Variants in ZNF444 observed in about 807,000 individuals in gnomAD.
ZNF444 encodes the protein endothelial zinc finger protein 2.
In ZNF444, 8 loss-of-function variants were observed where a neutral mutation model predicts 14.4. That is an observed-to-expected ratio of 0.56 (90% CI 0.33 to 1.00). The LOEUF (loss-of-function observed/expected upper bound fraction) is 1.00. Ranked by LOEUF, ZNF444 falls within the 50% of genes least tolerant of loss-of-function variation. The pLI is 0.03. For missense variants in ZNF444, 510 were observed against 504.8 expected (o/e 1.01, Z -0.10); for synonymous variants, 258 against 235.9 (o/e 1.09, Z -0.86).
chr19:56,159,836 C>T lies in ZNF444; in HGVS notation c.619C>T (p.His207Tyr), dbSNP rs780787466. The T allele has an allele frequency of 6.4e-7, 1 of 1,565,074 alleles. No individual in the cohort carries two copies. The highest frequency in any genetic ancestry group is 8.6e-7 in the Non-Finnish European group (1 of 1,161,730). Residue 207 changes from histidine to tyrosine, a missense_variant, in exon 5 of 5, where the codon CAC becomes TAC. Coordinates refer to ENST00000337080, the MANE Select transcript of ZNF444 (RefSeq NM_018337.4). ...HRQSHSGEKP[H>Y]ACPECGKAFR... is the part of the protein sequence containing the mutation. ...GCAGAGCCACTCGGGCGAGAAGCCG[C>T]ACGCCTGCCCTGAGTGCGGGAAGGC...
At chr19:56,135,493 A>G (rs1367791098) in intron 1 of ZNF444, among the ~76,000 whole-genome samples, 1 of 152,078 alleles carries the variant, frequency 6.6e-6, no homozygotes, top group Non-Finnish European at 1.5e-5. Flanking sequence ...TGAAGGATCC[A>G]GGTTCCTCCG....
chr19:56,136,552 T>C (rs1215685887), upstream of ZNF444, among the ~76,000 whole-genome samples: 1 of 152,156 alleles, frequency 6.6e-6, no homozygotes. Context: ...ATAGCAAGTG[T>C]TTATTGAACT....
chr19:56,147,124 G>T lies in ZNF444; in HGVS notation c.213G>T (p.Ala71=). ...TGGTGCTGGAACAGTTCCTGAGCGCGCTGCCCGCCGACACGCAGGCCTGGG... is the reference window on the plus strand; with the variant it reads ...TGGTGCTGGAACAGTTCCTGAGCGCTCTGCCCGCCGACACGCAGGCCTGGG... The part of the protein sequence containing the change: ...ELLVLEQFLS[A]LPADTQAWVC... The change falls in exon 3 of 5, where the codon GCG becomes GCT. Residue 71 remains alanine, a synonymous_variant. Coordinates refer to ENST00000337080, the MANE Select transcript of ZNF444 (RefSeq NM_018337.4). This position sits in a 1 kb window ranked among gnomAD's most constrained non-coding sequence, Gnocchi z 5.9. 1.0e-5 allele frequency: 16 copies of T among 1,564,246 alleles called. No homozygotes were observed. Among genetic ancestry groups the T allele is most frequent in the Non-Finnish European group, 1.3e-5 (15 of 1,159,972 alleles).
At chr19:56,139,722 A>AAG (rs995878884), upstream of ZNF444, among the ~76,000 whole-genome samples, 45 of 142,376 alleles carry the variant, frequency 3.2e-4, no homozygotes, top group African/African-American at 1.1e-3. Context: ...AACCAAAAAA[A>AAG]AAAAAAGAAA....
chr19:56,159,028 CCATCCAT>C (rs1402518924), intron 4 of ZNF444, among the ~76,000 whole-genome samples: 1 of 149,774 alleles, frequency 6.7e-6, no homozygotes, highest in East Asian at 1.9e-4. Flanking sequence ...ATGCACCCAC[CCATCCAT>C]CATCTGTACA....
At chr19:56,150,305 A>T (rs2031495622) in intron 3 of ZNF444, 2 of 237,826 alleles carry the variant, frequency 8.4e-6, no homozygotes, top group South Asian at 1.1e-4. Flanking sequence ...AATAAAAAAA[A>T]ATCTTCCATT....
chr19:56,158,698 A>G, intron 4 of ZNF444, 96 bp downstream of exon 4: 10 of 1,140,274 alleles, frequency 8.8e-6, no homozygotes, highest in South Asian at 1.7e-5. Flanking sequence ...GGACAAGGAC[A>G]GACTTGGACC....
chr19:56,148,460 C>T (rs964936353), intron 3 of ZNF444, among the ~76,000 whole-genome samples: 5 of 152,056 alleles, frequency 3.3e-5, no homozygotes, highest in Admixed American at 1.3e-4. Flanking sequence ...TGAGGCAAAG[C>T]GAGCAAAGCC....
In ZNF444 at chr19:56,147,349, A is replaced by C. The variant is rs866195252; in HGVS notation, c.297+141A>C. ...GGGAGGCTGCGGTACAGGCTGCGGTACAGCGTGGAGGGACAGTCCACGTGC... is the reference window on the plus strand; with the variant it reads ...GGGAGGCTGCGGTACAGGCTGCGGTCCAGCGTGGAGGGACAGTCCACGTGC... On this transcript the variant is annotated intron_variant, in intron 3 of 4. Transcript: ENST00000337080. This position sits in a 1 kb window ranked among gnomAD's most constrained non-coding sequence, Gnocchi z 5.9. The C allele has an allele frequency of 9.8e-7, 1 of 1,025,332 alleles. No individual in the cohort carries two copies. 63.5% of individuals were successfully genotyped at this position (1,025,332 alleles called of 1,614,324 possible).
upstream of ZNF444, among the ~76,000 whole-genome samples, chr19:56,140,543 C>T (rs1344891676): frequency 6.6e-6 from 1 of 152,136 alleles, no homozygotes; most frequent in African/African-American, 2.4e-5. Context: ...CAGGTTCACA[C>T]ACAGGAAGAG....
chr19:56,145,676 G>A lies in ZNF444; in HGVS notation c.-196-571G>A, dbSNP rs1256241938. Among the ~76,000 whole-genome samples the A allele has an allele frequency of 6.6e-6, 1 of 152,240 alleles. No homozygotes were observed. The highest frequency in any genetic ancestry group is 1.5e-5 in the Non-Finnish European group (1 of 68,042). ...GGGAGGACACAAAAGGAGGCCGTCG[G>A]CAGCCTGGAAGAGGTGCTCACCAGA... On this transcript the variant is annotated intron_variant, in intron 1 of 4. Coordinates refer to ENST00000337080, the MANE Select transcript of ZNF444 (RefSeq NM_018337.4). The surrounding 1 kb of genome is among the most constrained non-coding windows in gnomAD (Gnocchi z 4.3).
chr19:56,158,089 G>A (rs923842056), intron 3 of ZNF444: 1 of 161,804 alleles, frequency 6.2e-6, no homozygotes, highest in African/African-American at 2.4e-5. Context: ...GCTGATCTGA[G>A]ACAGGTGTAT....
intron 4 of ZNF444, 94 bp from the exon 5 acceptor site, chr19:56,159,530 C>A: frequency 1.7e-6 from 2 of 1,167,978 alleles, no homozygotes; most frequent in Non-Finnish European, 2.3e-6. Flanking sequence ...TGGTTTCTGC[C>A]TTTAAGCGTT....
chr19:56,156,519 C>T (rs1238414881), intron 3 of ZNF444: 1 of 152,074 alleles, frequency 6.6e-6, no homozygotes, highest in Non-Finnish European at 1.5e-5. Context: ...CACAATCAGA[C>T]AAATTAGGTC....
Position 56,160,018 on chromosome 19 carries a change from C to T in ZNF444, c.801C>T (p.Arg267=), listed in dbSNP as rs1192761220. The T allele has an allele frequency of 1.3e-6, 2 of 1,513,156 alleles. No homozygotes were observed. Among genetic ancestry groups the T allele is most frequent in the South Asian group, 1.2e-5 (1 of 82,336 alleles). 93.7% of individuals were successfully genotyped at this position (1,513,156 alleles called of 1,614,324 possible). A position where few individuals can be genotyped will look rare whatever the true frequency, so the allele number is the denominator to read the frequency against. Residue 267 remains arginine (R), a synonymous_variant, in exon 5 of 5, where the codon CGC becomes CGT. Transcript: ENST00000337080. ...TCTACTGGCGCGAGCACCTGGTGCG[C>T]CACCGCAAGACGCACTCGGGAGCGC... The part of the protein sequence containing the change: ...KTFYWREHLV[R]HRKTHSGARP...
intron 3 of ZNF444, among the ~76,000 whole-genome samples, chr19:56,148,313 T>C (rs988870614): frequency 2.6e-5 from 4 of 151,752 alleles, no homozygotes; most frequent in Non-Finnish European, 2.9e-5. Context: ...GGGCCCTGAG[T>C]GAGGGGGTGT....
chr19:56,139,883 G>A (rs1162101421), upstream of ZNF444, among the ~76,000 whole-genome samples: 2 of 152,136 alleles, frequency 1.3e-5, no homozygotes, highest in East Asian at 3.9e-4. Flanking sequence ...CCTTAGGTTT[G>A]AGATGCCTAT....
Position 56,159,934 on chromosome 19 carries a change from G to A in ZNF444, c.717G>A (p.Ala239=), listed in dbSNP as rs1053505291. The change falls in exon 5 of 5, where the codon GCG becomes GCA. Residue 239 remains alanine (A), a synonymous_variant. Coordinates refer to ENST00000337080, the MANE Select transcript of ZNF444 (RefSeq NM_018337.4). ...HPGSPGSPGP[A]LRPLPAREKP... is the part of the protein sequence containing the mutation. ...GCAGCCCCGGCAGCCCCGGGCCCGC[G>A]CTGCGCCCTCTGCCCGCCCGTGAGA... The A allele has an allele frequency of 4.7e-5, 71 of 1,499,326 alleles. No homozygotes were observed. Among genetic ancestry groups the A allele is most frequent in the Middle Eastern group, 1.9e-4 (1 of 5,226 alleles). The allele number at this position is 1,499,326 out of a possible 1,614,324, so 92.9% of individuals were successfully genotyped here.
upstream of ZNF444, among the ~76,000 whole-genome samples, chr19:56,136,639 G>A (rs933857510): frequency 6.6e-6 from 1 of 152,112 alleles, no homozygotes; most frequent in Non-Finnish European, 1.5e-5. Flanking sequence ...CCTGTGAAGC[G>A]GCGACTATTC....
Sources: allele counts gnomAD v4.1 joint callset (sites outside exome capture counted in the v4.1 genomes callset), GRCh38; gene constraint gnomAD v4.1.1; non-coding constraint Gnocchi (gnomAD v3.1); transcripts MANE v1.5; gene names NCBI Gene and HGNC (gene_info 2026-07-23, HGNC 2026-07-21).